Variants in ACTN2 observed in about 807,000 individuals in gnomAD.
ACTN2 encodes the protein alpha-actinin-2.
Under a neutral mutation model 113.8 loss-of-function variants are expected in ACTN2, and 39 were observed. That is an observed-to-expected ratio of 0.34 (90% CI 0.27 to 0.45). The LOEUF (loss-of-function observed/expected upper bound fraction) is 0.45, where lower values mean the gene tolerates loss of function less well. Ranked by LOEUF, ACTN2 falls within the 20% of genes least tolerant of loss-of-function variation. The pLI is 1.00. For missense variants in ACTN2, 992 were observed against 1,177.9 expected, an observed-to-expected ratio of 0.84 and a Z score of 2.31; for synonymous variants, 429 against 444.1, an observed-to-expected ratio of 0.97 and a Z score of 0.43.
In ACTN2 at chr1:236,749,149, T is replaced by C. The variant is rs371954663; in HGVS notation, c.1541T>C (p.Ile514Thr). ...AGAATGGAGAAATTGCTAGAAACCA[T>C]TGATCAGCTTCACCTGGAGTTTGCC... ...LERMEKLLET[I>T]DQLHLEFAKR... Residue 514 changes from isoleucine to threonine, a missense_variant, in exon 14 of 21, where the codon ATT becomes ACT. Ile to Thr is a moderately conservative substitution (Grantham distance 89). This residue lies in a region of ACTN2 where 736 missense variants were observed against 815.4 expected (regional missense o/e 0.90). Transcript: ENST00000366578. The C allele has an allele frequency of 1.6e-5, 26 of 1,614,076 alleles. No homozygotes were observed. The highest frequency in any genetic ancestry group is 3.3e-5 in the Admixed American group (2 of 60,012).
chr1:236,743,213 T>G (rs991848504), intron 11 of ACTN2, among the ~76,000 whole-genome samples, 170 bp downstream of exon 11: 3 of 152,214 alleles, frequency 2.0e-5, no homozygotes, highest in African/African-American at 7.2e-5. Flanking sequence ...GAGGTAGGCA[T>G]GAAAATTTAG....
chr1:236,757,478 C>G lies in ACTN2; in HGVS notation c.2155-8C>G. 6.2e-7 allele frequency: 1 copy of G among 1,614,104 alleles called. No individual in the cohort carries two copies. The highest frequency in any genetic ancestry group is 1.1e-5 in the South Asian group (1 of 91,082). ...TTAGAACTGATCTTTCCCCTTTTCC[C>G]TCAATAGCACATTCGTGTTGGATGG... On this transcript the variant is annotated splice_region_variant and splice_polypyrimidine_tract_variant and intron_variant, in intron 17 of 20. Coordinates refer to ENST00000366578, the MANE Select transcript of ACTN2 (RefSeq NM_001103.4).
In ACTN2 at chr1:236,721,019, T is replaced by G. The variant is rs1558233435; in HGVS notation, c.448+828T>G. On this transcript the variant is annotated intron_variant, in intron 4 of 20. Transcript: ENST00000366578. ...TAGCCTCTGACTCTGGTTTTTGTTTTTTGTTTTTTTTTTTTTTTTTTTTTT... is the reference window on the plus strand; with the variant it reads ...TAGCCTCTGACTCTGGTTTTTGTTTGTTGTTTTTTTTTTTTTTTTTTTTTT... 6.3e-5 allele frequency among the ~76,000 whole-genome samples: 4 copies of G among 63,350 alleles called. 1 individual carries two copies. Among genetic ancestry groups the G allele is most frequent in the Non-Finnish European group, 1.3e-4 (4 of 29,824 alleles). 41.6% of individuals were successfully genotyped at this position (63,350 alleles called of 152,430 possible). A position where few individuals can be genotyped will look rare whatever the true frequency, so the allele number is the denominator to read the frequency against.
intron 1 of ACTN2, among the ~76,000 whole-genome samples, chr1:236,691,072 A>G (rs1026391044): frequency 6.6e-6 from 1 of 151,188 alleles, no homozygotes; most frequent in Admixed American, 6.6e-5. Context: ...CAGTAGCTGG[A>G]ATTACAGGTG....
chr1:236,740,048 C>G (rs967637476), intron 10 of ACTN2, among the ~76,000 whole-genome samples: 5 of 152,204 alleles, frequency 3.3e-5, no homozygotes, highest in African/African-American at 1.2e-4. Context: ...CTTGGCTCCC[C>G]TTCACAGCAA....
intron 20 of ACTN2, 52 bp from the exon 21 acceptor site, chr1:236,762,409 A>G: frequency 3.7e-6 from 6 of 1,607,530 alleles, no homozygotes; most frequent in Non-Finnish European, 4.3e-6. Context: ...AAGACTGTTT[A>G]TGTTGTGGTG....
At position 236,753,895 on chromosome 1, in the gene ACTN2, C is replaced by T. The variant is rs566159749; in HGVS notation, c.1840-52C>T. 158 of 973,742 alleles carry T rather than the reference C, an allele frequency of 1.6e-4. 2 individuals carry two copies. In the South Asian group the frequency reaches 1.9e-3, roughly 12 times the overall value. 60.3% of individuals were successfully genotyped at this position (973,742 alleles called of 1,614,324 possible). A position where few individuals can be genotyped will look rare whatever the true frequency, so the allele number is the denominator to read the frequency against. Reference sequence around the variant, plus strand: ...ACTATTCCCGCATTCTGTGGTTGTTCCTATGAGACCACAGCTGGCCTCTAA... The same window carrying T: ...ACTATTCCCGCATTCTGTGGTTGTTTCTATGAGACCACAGCTGGCCTCTAA... On this transcript the variant is annotated intron_variant, in intron 15 of 20. Coordinates refer to ENST00000366578, the MANE Select transcript of ACTN2 (RefSeq NM_001103.4).
chr1:236,736,521 A>G, intron 8 of ACTN2: 1 of 1,325,536 alleles, frequency 7.5e-7, no homozygotes, highest in South Asian at 1.3e-5. Context: ...GAAAGATGAC[A>G]GAGAATTGTG....
chr1:236,757,586 A>C lies in ACTN2; in HGVS notation c.2255A>C (p.Gln752Pro). The change falls in exon 18 of 21, where the codon CAG becomes CCG. Residue 752 changes from glutamine (Q) to proline (P), a missense_variant. Coordinates refer to ENST00000366578, the MANE Select transcript of ACTN2 (RefSeq NM_001103.4). ...ILTRDAKGIT[Q>P]EQMNEFRASF... Reference sequence around the variant, plus strand: ...ACGAGAGATGCGAAGGGCATCACCCAGGAGCAGATGAATGAGTTCAGAGCC... The same window carrying C: ...ACGAGAGATGCGAAGGGCATCACCCCGGAGCAGATGAATGAGTTCAGAGCC... 6.2e-7 allele frequency: 1 copy of C among 1,614,226 alleles called. No homozygotes were observed. Among genetic ancestry groups the C allele is most frequent in the Non-Finnish European group, 8.5e-7 (1 of 1,180,046 alleles).
In ACTN2 at chr1:236,754,568, G is replaced by A. The variant is rs2297860; in HGVS notation, c.1975-451G>A. On this transcript the variant is annotated intron_variant, in intron 16 of 20. Transcript: ENST00000366578. This position sits in a 1 kb window ranked among gnomAD's most constrained non-coding sequence, Gnocchi z 4.9. ...CTTGTCCCACCACCCTTTTGGTGTT[G>A]AAATATTGACTTTTTTCTTAAAGCG... is the stretch of plus-strand genomic sequence containing the variant. Among the ~76,000 whole-genome samples, 105,759 of 152,034 alleles carry A rather than the reference G, an allele frequency of 0.7. 37,462 individuals are homozygous for A. The highest frequency in any genetic ancestry group is 0.76 in the East Asian group (3,940 of 5,168).
chr1:236,717,717 C>A (rs1658263327), intron 1 of ACTN2, 141 bp from the exon 2 acceptor site: 1 of 687,650 alleles, frequency 1.5e-6, no homozygotes, highest in Non-Finnish European at 2.7e-6. Context: ...TTCTTTCCAT[C>A]AAATTCTGCA....
Position 236,762,541 on chromosome 1 carries a change from C to T in ACTN2, c.2607C>T (p.Tyr869=), listed in dbSNP as rs1368710226. The T allele has an allele frequency of 1.2e-6, 2 of 1,614,186 alleles. No homozygotes were observed. The highest frequency in any genetic ancestry group is 3.3e-5 in the Admixed American group (2 of 60,030). Residue 869 remains tyrosine, a synonymous_variant, in exon 21 of 21, where the codon TAC becomes TAT. Coordinates refer to ENST00000366578, the MANE Select transcript of ACTN2 (RefSeq NM_001103.4). ...ACTGCATCAAGAGGATGCCCGCCTA[C>T]TCGGGCCCAGGCAGTGTGCCTGGTG... The part of the protein sequence containing the change: ...AQYCIKRMPA[Y]SGPGSVPGAL...
intron 1 of ACTN2, among the ~76,000 whole-genome samples, chr1:236,694,369 T>A (rs1349110621): frequency 6.6e-6 from 1 of 151,912 alleles, no homozygotes; most frequent in African/African-American, 2.4e-5. Flanking sequence ...ATTACAGGCA[T>A]TTGCCACCAC....
At chr1:236,726,985 C>T (rs985500125) in intron 5 of ACTN2, among the ~76,000 whole-genome samples, 3 of 152,148 alleles carry the variant, frequency 2.0e-5, no homozygotes, top group Admixed American at 6.5e-5. Flanking sequence ...ACGGAGGTCT[C>T]CTTCCCCAGA....
At chr1:236,703,433 CTTTTTT>C (rs35432183) in intron 1 of ACTN2, among the ~76,000 whole-genome samples, 1 of 98,838 alleles carries the variant, frequency 1.0e-5, no homozygotes, top group Non-Finnish European at 2.0e-5. Context: ...GGCCTACTAC[CTTTTTT>C]TTTTTTTTTT....
At chr1:236,727,605 G>T in intron 5 of ACTN2, 73 bp from the exon 6 acceptor site, 1 of 1,517,542 alleles carries the variant, frequency 6.6e-7, no homozygotes, top group South Asian at 1.1e-5. Context: ...GCCAACATCT[G>T]ACTGAGTGCA....
At chr1:236,704,935 C>G (rs1657782305) in intron 1 of ACTN2, among the ~76,000 whole-genome samples, 1 of 152,224 alleles carries the variant, frequency 6.6e-6, no homozygotes, top group African/African-American at 2.4e-5. Flanking sequence ...CTTAGCCTGT[C>G]TGTGCAGCCT....
At chr1:236,716,940 C>G (rs911690101) in intron 1 of ACTN2, among the ~76,000 whole-genome samples, 1 of 148,964 alleles carries the variant, frequency 6.7e-6, no homozygotes, top group African/African-American at 2.5e-5. Context: ...TTTCAAGCTA[C>G]TTCCCTGCCT....
chr1:236,717,780 G>T, intron 1 of ACTN2, 78 bp from the exon 2 acceptor site: 1 of 946,280 alleles, frequency 1.1e-6, no homozygotes, highest in Non-Finnish European at 1.7e-6. Context: ...GAACGTGTAA[G>T]GTGTCAAGTG....
Sources: allele counts gnomAD v4.1 joint callset (sites outside exome capture counted in the v4.1 genomes callset), GRCh38; gene constraint gnomAD v4.1.1; regional missense constraint gnomAD v4.1.1; non-coding constraint Gnocchi (gnomAD v3.1); transcripts MANE v1.5; gene names NCBI Gene and HGNC (gene_info 2026-07-23, HGNC 2026-07-21).